PTPRR: variants seen among roughly 807,000 people sequenced by gnomAD.
PTPRR encodes the protein protein tyrosine phosphatase receptor type R, also known as receptor-type tyrosine-protein phosphatase R.
A neutral mutation model predicts 77.2 loss-of-function variants in PTPRR; 38 were observed. The ratio of observed to expected loss-of-function variants is 0.49; its 90% CI spans 0.38 to 0.65. The LOEUF is 0.65. Ranked by LOEUF, PTPRR falls within the 30% of genes least tolerant of loss-of-function variation. PTPRR has a pLI of 0.00. For synonymous variants in PTPRR, 299 were observed against 283.1 expected, an observed-to-expected ratio of 1.06 and a Z score of -0.57; for missense variants, 744 against 799.2, an observed-to-expected ratio of 0.93 and a Z score of 0.83.
chr12:70,895,068 A>G (rs1893403380), intron 1 of PTPRR, among the ~76,000 whole-genome samples: 1 of 151,730 alleles, frequency 6.6e-6, no homozygotes, highest in African/African-American at 2.4e-5. Flanking sequence ...ACCCATCTTT[A>G]TAACCCCACA....
chr12:70,876,405 A>G (rs1036948897), intron 2 of PTPRR, among the ~76,000 whole-genome samples: 1 of 152,196 alleles, frequency 6.6e-6, no homozygotes, highest in African/African-American at 2.4e-5. Flanking sequence ...ATAGATGTAC[A>G]TTGACTCAGA....
chr12:70,720,064 C>T (rs1024803335), intron 6 of PTPRR, among the ~76,000 whole-genome samples: 1 of 152,198 alleles, frequency 6.6e-6, no homozygotes, highest in Admixed American at 6.5e-5. Context: ...CTGTGTTAGG[C>T]TGAAGAGATT....
intron 5 of PTPRR, among the ~76,000 whole-genome samples, chr12:70,746,728 G>C (rs1184152421): frequency 6.6e-6 from 1 of 151,784 alleles, no homozygotes; most frequent in Middle Eastern, 3.2e-3. Flanking sequence ...ATCTGGCTCT[G>C]TTGCCCAAGC....
chr12:70,697,763 G>A (rs944888614), intron 8 of PTPRR, among the ~76,000 whole-genome samples: 1 of 152,048 alleles, frequency 6.6e-6, no homozygotes, highest in South Asian at 2.1e-4. Flanking sequence ...TGGATATCTG[G>A]TTGTTTCTGC....
At chr12:70,694,073 T>C (rs919112432) in intron 8 of PTPRR, among the ~76,000 whole-genome samples, 2 of 152,208 alleles carry the variant, frequency 1.3e-5, no homozygotes, top group Non-Finnish European at 2.9e-5. Flanking sequence ...CCAAAAATTA[T>C]AAATGTTTTT....
chr12:70,837,570 T>C (rs138695955), intron 2 of PTPRR, among the ~76,000 whole-genome samples: 5 of 152,130 alleles, frequency 3.3e-5, no homozygotes, highest in Admixed American at 3.3e-4. Flanking sequence ...TTATAAAAGG[T>C]ATTACAAAGG....
chr12:70,731,074 AAGAGAGAGGAAGGAAGGAGGAAGG>A lies in PTPRR; in HGVS notation c.1007+14720_1007+14743del, dbSNP rs140588799. Among the ~76,000 whole-genome samples, 8 of 86,968 alleles carry A rather than the reference AAGAGAGAGGAAGGAAGGAGGAAGG, an allele frequency of 9.2e-5. 1 individual carries two copies. Among genetic ancestry groups the A allele is most frequent in the South Asian group, 4.5e-4 (1 of 2,204 alleles). 57.1% of individuals were successfully genotyped at this position (86,968 alleles called of 152,430 possible). A position where few individuals can be genotyped will look rare whatever the true frequency, so the allele number is the denominator to read the frequency against. ...ACAGAGAGGAAGGAAGGAGGAAGGC[AAGAGAGAGGAAGGAAGGAGGAAGG>A]AGAGAGAGGAAGGAAGGAGGAAGGA... On this transcript the variant is annotated intron_variant, in intron 6 of 13. Coordinates refer to ENST00000283228, the MANE Select transcript of PTPRR (RefSeq NM_002849.4).
At chr12:70,793,662 C>G (rs2137012165) in intron 2 of PTPRR, among the ~76,000 whole-genome samples, 2 of 152,264 alleles carry the variant, frequency 1.3e-5, no homozygotes, top group Middle Eastern at 3.4e-3. Context: ...CAACAATGTT[C>G]CTGCTCATTC....
At chr12:70,653,404 T>A (rs1886465810) in intron 13 of PTPRR, among the ~76,000 whole-genome samples, 1 of 152,178 alleles carries the variant, frequency 6.6e-6, no homozygotes, top group Non-Finnish European at 1.5e-5. Context: ...ACTGATCTTT[T>A]TTATGTACCA....
At chr12:70,822,789 G>GA (rs1242812042) in intron 2 of PTPRR, among the ~76,000 whole-genome samples, 1 of 152,144 alleles carries the variant, frequency 6.6e-6, no homozygotes, top group Non-Finnish European at 1.5e-5. Flanking sequence ...TGCCGCTATG[G>GA]AAAAGACATG....
At chr12:70,704,580 G>C (rs1336497786) in intron 6 of PTPRR, among the ~76,000 whole-genome samples, 1 of 152,046 alleles carries the variant, frequency 6.6e-6, no homozygotes, top group East Asian at 1.9e-4. Flanking sequence ...CCGTGTCTAA[G>C]GTCTATTTGA....
At chr12:70,886,134 C>T (rs1011382384) in intron 2 of PTPRR, among the ~76,000 whole-genome samples, 6 of 152,114 alleles carry the variant, frequency 3.9e-5, no homozygotes, top group Admixed American at 1.3e-4. Flanking sequence ...GAGTGCATTC[C>T]AGCATCGTCC....
At position 70,669,559 on chromosome 12, in the gene PTPRR, T is replaced by TACACACACACACACAC. The variant is rs566522694; in HGVS notation, c.1498-6970_1498-6955dup. Among the ~76,000 whole-genome samples the TACACACACACACACAC allele has an allele frequency of 6.5e-4, 92 of 141,778 alleles. 1 individual carries two copies. The highest frequency in any genetic ancestry group is 5.5e-3 in the East Asian group (27 of 4,906). 93.0% of individuals were successfully genotyped at this position (141,778 alleles called of 152,430 possible). On this transcript the variant is annotated intron_variant, in intron 10 of 13. Coordinates refer to ENST00000283228, the MANE Select transcript of PTPRR (RefSeq NM_002849.4). ...ACACAAGCCATATATATATATGTTA[T>TACACACACACACACAC]ACACACACACACACACACACACACA...
At chr12:70,805,870 G>A (rs992856088) in intron 2 of PTPRR, among the ~76,000 whole-genome samples, 14 of 152,054 alleles carry the variant, frequency 9.2e-5, no homozygotes, top group Admixed American at 3.9e-4. Flanking sequence ...TAATCACTAG[G>A]CTATATACAC....
intron 10 of PTPRR, among the ~76,000 whole-genome samples, chr12:70,669,580 A>T (rs1036735931): frequency 6.6e-6 from 1 of 151,408 alleles, no homozygotes; most frequent in East Asian, 1.9e-4. Context: ...ACACACACAC[A>T]CACACACAAG....
chr12:70,670,282 G>A (rs1274395388), intron 10 of PTPRR, among the ~76,000 whole-genome samples: 2 of 152,202 alleles, frequency 1.3e-5, no homozygotes, highest in Non-Finnish European at 2.9e-5. Context: ...GGGACCAAAA[G>A]TGGGTTGCTT....
intron 13 of PTPRR, among the ~76,000 whole-genome samples, chr12:70,645,178 T>A (rs985301415): frequency 2.0e-5 from 3 of 152,194 alleles, no homozygotes; most frequent in Non-Finnish European, 2.9e-5. Context: ...ACCAGGGAAG[T>A]TGTGTTTTTT....
chr12:70,660,868 C>A, intron 12 of PTPRR, 72 bp downstream of exon 12: 2 of 1,430,466 alleles, frequency 1.4e-6, no homozygotes, highest in East Asian at 2.4e-5. Flanking sequence ...AAGCAAAACC[C>A]ACTTGCACCT....
chr12:70,815,860 G>GA (rs1301795183), intron 2 of PTPRR, among the ~76,000 whole-genome samples: 1 of 152,166 alleles, frequency 6.6e-6, no homozygotes, highest in East Asian at 1.9e-4. Flanking sequence ...TCAGACAGCT[G>GA]ATAATCTAGT....
Sources: allele counts gnomAD v4.1 joint callset (sites outside exome capture counted in the v4.1 genomes callset), GRCh38; gene constraint gnomAD v4.1.1; transcripts MANE v1.5; gene names NCBI Gene and HGNC (gene_info 2026-07-23, HGNC 2026-07-21).